Variants in PTPRN2 observed in about 807,000 individuals in gnomAD.
The protein encoded by PTPRN2 is protein tyrosine phosphatase receptor type N2.
In PTPRN2, 74 loss-of-function variants were observed where a neutral mutation model predicts 118.8. The ratio of observed to expected loss-of-function variants is 0.62; its 90% confidence interval spans 0.52 to 0.76. The LOEUF is 0.76. Ranked by LOEUF, PTPRN2 falls within the 30% of genes least tolerant of loss-of-function variation. PTPRN2 has a pLI of 0.00. For synonymous variants in PTPRN2, 641 were observed against 608.0 expected (o/e 1.05, Z -0.80); for missense variants, 1,481 against 1,394.4 (o/e 1.06, Z -0.99).
intron 4 of PTPRN2, among the ~76,000 whole-genome samples, chr7:158,193,787 A>T (rs1278715084): frequency 1.3e-5 from 2 of 152,058 alleles, no homozygotes; most frequent in Admixed American, 1.3e-4. Flanking sequence ...AAAAGGGCCC[A>T]GAGCATGCTC....
chr7:158,151,620 A>G (rs1203949949), intron 6 of PTPRN2, among the ~76,000 whole-genome samples: 1 of 152,118 alleles, frequency 6.6e-6, no homozygotes, highest in Non-Finnish European at 1.5e-5. Context: ...TCAGGGACAG[A>G]TGAGAGCTTC....
intron 1 of PTPRN2, among the ~76,000 whole-genome samples, chr7:158,578,552 T>C (rs1479458660): frequency 2.9e-5 from 2 of 69,766 alleles, no homozygotes; most frequent in Non-Finnish European, 6.1e-5. Context: ...AAAAAAAAAA[T>C]CATAGATTCA....
At position 157,874,982 on chromosome 7, in the gene PTPRN2, C is replaced by T. The variant is rs1795652736; in HGVS notation, c.1788+23691G>A. 6.6e-6 allele frequency among the ~76,000 whole-genome samples: 1 copy of T among 152,024 alleles called. No individual in the cohort carries two copies. Among genetic ancestry groups the T allele is most frequent in the Non-Finnish European group, 1.5e-5 (1 of 68,000 alleles). The stretch of plus-strand genomic sequence containing the variant: ...GTGCACATACACAGAGACACAGGCA[C>T]ACACAGGCAGACGCAAACGTGCATG... On this transcript the variant is annotated intron_variant, in intron 12 of 22. Transcript: ENST00000389418. The surrounding 1 kb of genome is among the most constrained non-coding windows in gnomAD (Gnocchi z 5.8).
chr7:157,631,810 C>T (rs374041711), intron 14 of PTPRN2, among the ~76,000 whole-genome samples: 61 of 144,192 alleles, frequency 4.2e-4, no homozygotes, highest in African/African-American at 1.5e-3. Flanking sequence ...CCAGCCTGGG[C>T]GACAGAGCGA....
At chr7:158,514,752 T>C (rs1272617110) in intron 1 of PTPRN2, among the ~76,000 whole-genome samples, 2 of 152,212 alleles carry the variant, frequency 1.3e-5, no homozygotes, top group Non-Finnish European at 2.9e-5. Flanking sequence ...GGAAGATATT[T>C]ATGAAAATAA....
At chr7:158,151,514 T>TGCCTGCCCACAC (rs1563522262) in intron 6 of PTPRN2, among the ~76,000 whole-genome samples, 1 of 146,076 alleles carries the variant, frequency 6.8e-6, no homozygotes. Flanking sequence ...TTTCTGCTCC[T>TGCCTGCCCACAC]CACCGCACGT....
At chr7:158,132,742 C>T (rs1227764465) in intron 9 of PTPRN2, among the ~76,000 whole-genome samples, 1 of 149,012 alleles carries the variant, frequency 6.7e-6, no homozygotes, top group Non-Finnish European at 1.5e-5. Flanking sequence ...ACCCAACATA[C>T]ACTATACACA....
At chr7:158,556,610 G>A (rs1373120440) in intron 1 of PTPRN2, among the ~76,000 whole-genome samples, 3 of 152,160 alleles carry the variant, frequency 2.0e-5, no homozygotes, top group African/African-American at 7.2e-5. Flanking sequence ...TGTTTGATAG[G>A]TGAATGGAGA....
At chr7:157,963,108 C>T (rs2117521) in intron 11 of PTPRN2, among the ~76,000 whole-genome samples, 121,971 of 152,176 alleles carry the variant, frequency 0.8, 49,743 homozygotes, top group Non-Finnish European at 0.88. Flanking sequence ...GCTCAGCAGA[C>T]GCACACTCTC....
intron 3 of PTPRN2, among the ~76,000 whole-genome samples, chr7:158,313,716 A>G (rs1300484467): frequency 6.6e-6 from 1 of 152,222 alleles, no homozygotes; most frequent in Non-Finnish European, 1.5e-5. Context: ...ACTCGGCACA[A>G]TATTAATTTT....
In PTPRN2 at chr7:158,215,595, A is replaced by G. The variant is rs75883195; in HGVS notation, c.278-10322T>C. The stretch of plus-strand genomic sequence containing the variant: ...ATAATTAAGTTTCTGAAAACTTACA[A>G]AGAAAAATCTTAACAGCAGCCAGAG... On this transcript the variant is annotated intron_variant, in intron 3 of 22. Transcript: ENST00000389418. Among the ~76,000 whole-genome samples the G allele has an allele frequency of 4.8e-3, 725 of 152,318 alleles. 8 individuals are homozygous for G. Among genetic ancestry groups the G allele is most frequent in the African/African-American group, 0.017 (692 of 41,574 alleles).
chr7:158,447,662 C>A (rs994128070), intron 2 of PTPRN2, among the ~76,000 whole-genome samples: 1 of 152,264 alleles, frequency 6.6e-6, no homozygotes, highest in South Asian at 2.1e-4. Context: ...TCCTGCCAGG[C>A]CCCTGGAAAG....
chr7:157,994,842 CGCGTCCCCAGCTT>C (rs1804584998), intron 11 of PTPRN2, among the ~76,000 whole-genome samples: 2 of 15,314 alleles, frequency 1.3e-4, no homozygotes, highest in Admixed American at 1.0e-3. Context: ...AAATCAACGC[CGCGTCCCCAGCTT>C]ACAGCTCCTT....
At chr7:157,756,791 G>GAA in intron 12 of PTPRN2, among the ~76,000 whole-genome samples, 1 of 144,782 alleles carries the variant, frequency 6.9e-6, no homozygotes, top group African/African-American at 2.7e-5. Context: ...GGAGAAGGGA[G>GAA]GAAAAAAAAA....
intron 6 of PTPRN2, among the ~76,000 whole-genome samples, chr7:158,144,371 C>T (rs1819687688): frequency 6.6e-6 from 1 of 152,162 alleles, no homozygotes; most frequent in South Asian, 2.1e-4. Flanking sequence ...GACGCGGTGG[C>T]TCACACCCGT....
chr7:157,900,217 C>T (rs934545126), intron 11 of PTPRN2, among the ~76,000 whole-genome samples: 1 of 152,192 alleles, frequency 6.6e-6, no homozygotes, highest in African/African-American at 2.4e-5. Flanking sequence ...TCAGGCTCGG[C>T]AGGCCCACGG....
intron 2 of PTPRN2, among the ~76,000 whole-genome samples, chr7:158,356,960 G>A (rs1808434369): frequency 6.6e-6 from 1 of 152,176 alleles, no homozygotes; most frequent in Non-Finnish European, 1.5e-5. Context: ...AGGGTCAGGT[G>A]GGCTCTGTGC....
In PTPRN2 at chr7:157,587,760, A is replaced by G. The variant is rs1202169933; in HGVS notation, c.2496+7478T>C. Among the ~76,000 whole-genome samples, 2 of 152,314 alleles carry G rather than the reference A, an allele frequency of 1.3e-5. No homozygotes were observed. Among genetic ancestry groups the G allele is most frequent in the Admixed American group, 6.5e-5 (1 of 15,304 alleles). On this transcript the variant is annotated intron_variant, in intron 17 of 22. Coordinates refer to ENST00000389418, the MANE Select transcript of PTPRN2 (RefSeq NM_002847.5). This position sits in a 1 kb window ranked among gnomAD's most constrained non-coding sequence, Gnocchi z 5.3. ...CTCTGTCCTGAAAGGCAGCCTGTTC[A>G]TCAGACAGGAGAGGCAAGGCTGAAC...
Position 157,724,534 on chromosome 7 carries a change from C to T in PTPRN2, c.1789-41597G>A, listed in dbSNP as rs556317677. On this transcript the variant is annotated intron_variant, in intron 12 of 22. Coordinates refer to ENST00000389418, the MANE Select transcript of PTPRN2 (RefSeq NM_002847.5). Reference sequence around the variant, plus strand: ...TCATGGGGTTACATCCCAATGAACCCGGTGCAAGTCGAAATGTGCTAGGTT... The same window carrying T: ...TCATGGGGTTACATCCCAATGAACCTGGTGCAAGTCGAAATGTGCTAGGTT... 3.3e-4 allele frequency among the ~76,000 whole-genome samples: 51 copies of T among 152,256 alleles called. 1 individual carries two copies. Among genetic ancestry groups the T allele is most frequent in the Admixed American group, 2.5e-3 (39 of 15,302 alleles).
Sources: gnomAD v4.1 joint callset for allele counts (sites outside exome capture counted in the v4.1 genomes callset) on GRCh38, gnomAD v4.1.1 for gene constraint, Gnocchi (gnomAD v3.1) non-coding constraint, MANE v1.5 for transcripts, NCBI Gene and HGNC (gene_info 2026-07-23, HGNC 2026-07-21) for gene names.